GAA: variants seen among roughly 807,000 people sequenced by gnomAD.
The protein encoded by GAA is alpha glucosidase.
GAA carries 88 observed loss-of-function variants against 103.9 expected under a neutral mutation model. That is an observed-to-expected ratio of 0.85 (90% CI 0.71 to 1.01). The LOEUF is 1.01. Among genes scored for constraint, GAA ranks in the 50% least tolerant of loss-of-function variants. The pLI is 0.00. For missense variants in GAA, 1,350 were observed against 1,305.3 expected, an observed-to-expected ratio of 1.03 and a Z score of -0.53; for synonymous variants, 572 against 563.1, an observed-to-expected ratio of 1.02 and a Z score of -0.22.
chr17:80,110,973 C>G lies in GAA; in HGVS notation c.1584C>G (p.Gly528=), dbSNP rs1386579097. The G allele has an allele frequency of 6.2e-7, 1 of 1,613,904 alleles. No individual in the cohort carries two copies. Among genetic ancestry groups the G allele is most frequent in the South Asian group, 1.1e-5 (1 of 91,086 alleles). The change falls in exon 11 of 20, where the codon GGC becomes GGG. Residue 528 remains glycine (G), a synonymous_variant. Coordinates refer to ENST00000302262, the MANE Select transcript of GAA (RefSeq NM_000152.5). ...DMNEPSNFIR[G]SEDGCPNNEL... is the part of the protein sequence containing the mutation. Reference sequence around the variant, plus strand: ...ACGAGCCTTCCAACTTCATCAGGGGCTCTGAGGACGGCTGCCCCAACAATG... The same window carrying G: ...ACGAGCCTTCCAACTTCATCAGGGGGTCTGAGGACGGCTGCCCCAACAATG...
At position 80,117,101 on chromosome 17, in the gene GAA, C is replaced by T. The variant is rs147290429; in HGVS notation, c.2323C>T (p.Leu775=). The T allele has an allele frequency of 6.2e-7, 1 of 1,612,794 alleles. No individual in the cohort carries two copies. The change falls in exon 16 of 20, where the codon CTG becomes TTG. Residue 775 remains leucine (L), a synonymous_variant. Transcript: ENST00000302262. The part of the protein sequence containing the change: ...GYFPLGTWYD[L]QTVPVEALGS... ...CTTCCCCTTGGGCACATGGTACGAC[C>T]TGCAGACGGTGAGTCTGGGGACCCT...
Position 80,104,825 on chromosome 17 carries a change from C to T in GAA, c.239C>T (p.Thr80Ile). 2 of 1,612,600 alleles carry T rather than the reference C, an allele frequency of 1.2e-6. No homozygotes were observed. Among genetic ancestry groups the T allele is most frequent in the Non-Finnish European group, 1.7e-6 (2 of 1,179,852 alleles). The change falls in exon 2 of 20, where the codon ACA becomes ATA. Residue 80 changes from threonine to isoleucine, a missense_variant. Coordinates refer to ENST00000302262, the MANE Select transcript of GAA (RefSeq NM_000152.5). The surrounding 1 kb of genome is among the most constrained non-coding windows in gnomAD (Gnocchi z 4.0). ...CCCGGCCGTCCCAGAGCAGTGCCCA[C>T]ACAGTGCGACGTCCCCCCCAACAGC... ...AHPGRPRAVP[T>I]QCDVPPNSRF...
At position 80,104,570 on chromosome 17, in the gene GAA, C is replaced by A; in HGVS notation, c.-17C>A. The A allele has an allele frequency of 6.2e-7, 1 of 1,606,200 alleles. No homozygotes were observed. The highest frequency in any genetic ancestry group is 1.1e-5 in the South Asian group (1 of 90,524). On this transcript the variant is annotated 5_prime_UTR_variant, in exon 2 of 20. Coordinates refer to ENST00000302262, the MANE Select transcript of GAA (RefSeq NM_000152.5). This position sits in a 1 kb window ranked among gnomAD's most constrained non-coding sequence, Gnocchi z 4.0. ...TCTCCCGCAGGCCTGTAGGAGCTGT[C>A]CAGGCCATCTCCAACCATGGGAGTG... is the stretch of plus-strand genomic sequence containing the variant.
At chr17:80,116,631 A>G (rs954878685) in intron 15 of GAA, among the ~76,000 whole-genome samples, 1 of 152,198 alleles carries the variant, frequency 6.6e-6, no homozygotes. Context: ...CAAATACTTG[A>G]CTGATGAGCA....
intron 8 of GAA, among the ~76,000 whole-genome samples, 178 bp downstream of exon 8, chr17:80,109,006 G>A (rs1304682517): frequency 2.0e-5 from 3 of 152,332 alleles, no homozygotes; most frequent in East Asian, 3.9e-4. Flanking sequence ...GTCCAGGGAG[G>A]TCGGGTTTGA....
In GAA at chr17:80,104,222, C is replaced by T. The variant is rs918656208; in HGVS notation, c.-32-333C>T. Among the ~76,000 whole-genome samples the T allele has an allele frequency of 6.6e-6, 1 of 152,208 alleles. No individual in the cohort carries two copies. Among genetic ancestry groups the T allele is most frequent in the Non-Finnish European group, 1.5e-5 (1 of 68,034 alleles). On this transcript the variant is annotated intron_variant, in intron 1 of 19. Coordinates refer to ENST00000302262, the MANE Select transcript of GAA (RefSeq NM_000152.5). The surrounding 1 kb of genome is among the most constrained non-coding windows in gnomAD (Gnocchi z 4.0). Reference sequence around the variant, plus strand: ...GAGGTTGCAGTGAGCCAGGATCTCACCACAGCACTCTGGCCCAGGCGACAG... The same window carrying T: ...GAGGTTGCAGTGAGCCAGGATCTCATCACAGCACTCTGGCCCAGGCGACAG...
In GAA at chr17:80,116,910, A is replaced by C. The variant is rs555586590; in HGVS notation, c.2190-58A>C. On this transcript the variant is annotated intron_variant, in intron 15 of 19. Coordinates refer to ENST00000302262, the MANE Select transcript of GAA (RefSeq NM_000152.5). ...TCCTGTGCCTCCCCAGGGTGGGCAT[A>C]TGAGCCAGCCCCATCCCATTCATCA... 10 of 1,605,318 alleles carry C rather than the reference A, an allele frequency of 6.2e-6. No homozygotes were observed. In the African/African-American group the frequency reaches 1.3e-4, roughly 21 times the overall value.
chr17:80,103,322 G>A (rs1303886995), intron 1 of GAA, among the ~76,000 whole-genome samples: 1 of 152,140 alleles, frequency 6.6e-6, no homozygotes, highest in East Asian at 1.9e-4. Flanking sequence ...ACTTTGGTTT[G>A]AGGACCTCTC....
At chr17:80,111,204 G>C (rs1002356312) in intron 11 of GAA, among the ~76,000 whole-genome samples, 179 bp downstream of exon 11, 1 of 152,224 alleles carries the variant, frequency 6.6e-6, no homozygotes, top group African/African-American at 2.4e-5. Flanking sequence ...GTGCAGACAG[G>C]GTGGGTGCAG....
chr17:80,112,331 G>A, intron 12 of GAA: 1 of 640,656 alleles, frequency 1.6e-6, no homozygotes, highest in Non-Finnish European at 2.7e-6. Flanking sequence ...ATGCTGACAG[G>A]AGTCTGCATC....
In GAA at chr17:80,108,539, TG is replaced by T. The variant is rs754134578; in HGVS notation, c.1130del (p.Gly377AlafsTer15). The T allele has an allele frequency of 9.9e-6, 16 of 1,612,828 alleles. No homozygotes were observed. Among genetic ancestry groups the T allele is most frequent in the Non-Finnish European group, 1.4e-5 (16 of 1,179,904 alleles). ...GGGCCTGGGCTTCCACCTGTGCCGCTGGGGCTACTCCTCCACCGCTATCACC... is the reference window on the plus strand; with the variant it reads ...GGGCCTGGGCTTCCACCTGTGCCGCTGGGCTACTCCTCCACCGCTATCACC... ...YWGLGFHLCRWGYSSTAITRQ... is the reference protein window; with the variant it reads ...YWGLGFHLCRXGYSSTAITRQ... On this transcript the variant is annotated frameshift_variant, in exon 7 of 20. Coordinates refer to ENST00000302262, the MANE Select transcript of GAA (RefSeq NM_000152.5). LOFTEE classifies it high-confidence loss of function.
intron 11 of GAA, chr17:80,111,593 A>G: frequency 6.2e-6 from 2 of 322,020 alleles, no homozygotes; most frequent in Non-Finnish European, 5.9e-6. Flanking sequence ...AAGGAAGTAC[A>G]AGGATGGGCC....
chr17:80,110,716 T>TC lies in GAA; in HGVS notation c.1438-10dup. The stretch of plus-strand genomic sequence containing the variant: ...GGCCGGGTCTCCCCACTGCAGCCTC[T>TC]CGTTGTCCAGGTATGGCCCGGGTCC... On this transcript the variant is annotated splice_polypyrimidine_tract_variant and intron_variant, in intron 9 of 19. Transcript: ENST00000302262. 6.2e-7 allele frequency: 1 copy of TC among 1,613,030 alleles called. No homozygotes were observed. The highest frequency in any genetic ancestry group is 8.5e-7 in the Non-Finnish European group (1 of 1,179,426).
chr17:80,104,546 C>G lies in GAA; in HGVS notation c.-32-9C>G, dbSNP rs202165487. On this transcript the variant is annotated splice_polypyrimidine_tract_variant and intron_variant, in intron 1 of 19. Transcript: ENST00000302262. The surrounding 1 kb of genome is among the most constrained non-coding windows in gnomAD (Gnocchi z 4.0). The stretch of plus-strand genomic sequence containing the variant: ...GCCTCCCTGCTGAGCCCGCTTTCTT[C>G]TCCCGCAGGCCTGTAGGAGCTGTCC... The G allele has an allele frequency of 1.4e-5, 22 of 1,572,112 alleles. No homozygotes were observed. The East Asian group carries it at 4.3e-4, about 31-fold the overall frequency.
At chr17:80,107,952 T>G in intron 5 of GAA, 56 bp downstream of exon 5, 1 of 1,499,174 alleles carries the variant, frequency 6.7e-7, no homozygotes, top group Non-Finnish European at 9.1e-7. Context: ...CTGCCTGCCC[T>G]GGAGACTGGA....
chr17:80,105,121 C>G lies in GAA; in HGVS notation c.535C>G (p.Leu179Val). 2.5e-6 allele frequency: 4 copies of G among 1,606,612 alleles called. No homozygotes were observed. Among genetic ancestry groups the G allele is most frequent in the Non-Finnish European group, 3.4e-6 (4 of 1,177,794 alleles). ...LDVMMETENR[L>V]HFTIKDPANR... ...CGTGATGATGGAGACTGAGAACCGC[C>G]TCCACTTCACGGTGGGCAGGGCAGG... The change falls in exon 2 of 20, where the codon CTC becomes GTC. Residue 179 changes from leucine (L) to valine (V), a missense_variant. Transcript: ENST00000302262.
intron 12 of GAA, chr17:80,112,312 G>T (rs2039256139): frequency 1.5e-6 from 1 of 648,190 alleles, no homozygotes; most frequent in African/African-American, 1.8e-5. Context: ...TGGAGAGGAA[G>T]GACCCTGGAT....
chr17:80,116,761 C>T (rs371559287), intron 15 of GAA: 27 of 623,396 alleles, frequency 4.3e-5, no homozygotes, highest in Middle Eastern at 7.0e-4. Context: ...CCGGCATGTC[C>T]GGGGAGAAGG....
At chr17:80,116,764 G>T in intron 15 of GAA, 1 of 627,914 alleles carries the variant, frequency 1.6e-6, no homozygotes, top group South Asian at 1.8e-5. Flanking sequence ...GCATGTCCGG[G>T]GAGAAGGCTT....
Sources: allele counts gnomAD v4.1 joint callset (sites outside exome capture counted in the v4.1 genomes callset), GRCh38; gene constraint gnomAD v4.1.1; non-coding constraint Gnocchi (gnomAD v3.1); transcripts MANE v1.5; gene names NCBI Gene and HGNC (gene_info 2026-07-23, HGNC 2026-07-21).